Variants in FGGY observed in about 807,000 individuals in gnomAD.
The protein encoded by FGGY is FGGY carbohydrate kinase domain-containing protein.
FGGY carries 72 observed loss-of-function variants against 71.3 expected under a neutral mutation model. The ratio of observed to expected loss-of-function variants is 1.01; its 90% confidence interval spans 0.84 to 1.23. FGGY has a LOEUF of 1.23. FGGY is among the 50% of genes most tolerant of loss of function. The pLI, the probability that FGGY is intolerant of heterozygous loss-of-function variation, is 0.00. For synonymous variants in FGGY, 251 were observed against 250.3 expected (o/e 1.00, Z -0.02); for missense variants, 668 against 682.3 (o/e 0.98, Z 0.23).
intron 6 of FGGY, among the ~76,000 whole-genome samples, chr1:59,487,521 A>G (rs941604740): frequency 6.6e-6 from 1 of 152,162 alleles, no homozygotes; most frequent in Admixed American, 6.5e-5. Flanking sequence ...TGTCCTAGAC[A>G]TTGTTGTGGC....
chr1:59,702,127 G>T (rs1360917029), intron 14 of FGGY, among the ~76,000 whole-genome samples: 6 of 152,098 alleles, frequency 3.9e-5, no homozygotes, highest in African/African-American at 1.2e-4. Flanking sequence ...GCTCTCGTGA[G>T]AACTCCCTCA....
intron 6 of FGGY, among the ~76,000 whole-genome samples, chr1:59,466,166 A>T (rs1230404097): frequency 1.3e-5 from 2 of 152,336 alleles, no homozygotes; most frequent in East Asian, 3.9e-4. Flanking sequence ...GATATAGACC[A>T]ATGGAACAGA....
intron 11 of FGGY, among the ~76,000 whole-genome samples, chr1:59,647,526 G>A (rs947358791): frequency 1.2e-4 from 19 of 152,054 alleles, no homozygotes; most frequent in Admixed American, 9.2e-4. Context: ...TGGTTCCTCC[G>A]TAACCAAAGA....
chr1:59,363,951 G>T (rs963151174), intron 4 of FGGY, among the ~76,000 whole-genome samples: 30 of 152,286 alleles, frequency 2.0e-4, no homozygotes, highest in African/African-American at 7.2e-4. Context: ...GTGGAACTCT[G>T]CAACAGTGGT....
chr1:59,694,169 G>T (rs1469363680), intron 14 of FGGY, among the ~76,000 whole-genome samples: 3 of 151,282 alleles, frequency 2.0e-5, no homozygotes, highest in Non-Finnish European at 4.4e-5. Flanking sequence ...GGCGCCTGTC[G>T]TCCCAGCTAC....
At chr1:59,605,450 A>G (rs2096615040) in intron 8 of FGGY, among the ~76,000 whole-genome samples, 2 of 152,224 alleles carry the variant, frequency 1.3e-5, no homozygotes, top group South Asian at 4.2e-4. Flanking sequence ...TTCACCATTT[A>G]TCTCTGTGCC....
chr1:59,361,022 G>C (rs899332416), intron 4 of FGGY, among the ~76,000 whole-genome samples: 4 of 152,048 alleles, frequency 2.6e-5, no homozygotes, highest in African/African-American at 9.7e-5. Context: ...CCATCCTGAG[G>C]CCCCCCTGAG....
Position 59,590,645 on chromosome 1 carries a change from A to G in FGGY, c.904-17158A>G, listed in dbSNP as rs151024070. Among the ~76,000 whole-genome samples, 1,145 of 152,348 alleles carry G rather than the reference A, an allele frequency of 7.5e-3. 10 individuals are homozygous for G. Among genetic ancestry groups the G allele is most frequent in the Middle Eastern group, 0.065 (19 of 294 alleles). Reference sequence around the variant, plus strand: ...AAGGCTGGTTCAATATAGGCAAATCAATAAATGTAATCCAGCATATAAACA... The same window carrying G: ...AAGGCTGGTTCAATATAGGCAAATCGATAAATGTAATCCAGCATATAAACA... On this transcript the variant is annotated intron_variant, in intron 8 of 15. Coordinates refer to ENST00000303721, the MANE Select transcript of FGGY (RefSeq NM_018291.5).
At chr1:59,354,451 A>G (rs1233271652) in intron 4 of FGGY, among the ~76,000 whole-genome samples, 1 of 152,208 alleles carries the variant, frequency 6.6e-6, no homozygotes, top group Non-Finnish European at 1.5e-5. Flanking sequence ...CACTCAGCTA[A>G]TAAGTGGCAA....
intron 6 of FGGY, chr1:59,474,297 C>T (rs1441994062): frequency 2.0e-5 from 3 of 152,206 alleles, no homozygotes; most frequent in Non-Finnish European, 4.4e-5. Context: ...GAGGTCACCC[C>T]CAACTTCTCT....
intron 3 of FGGY, among the ~76,000 whole-genome samples, chr1:59,342,891 C>T (rs1158073940): frequency 6.6e-6 from 1 of 152,170 alleles, no homozygotes; most frequent in Admixed American, 6.5e-5. Context: ...CAGCATTAGT[C>T]TATGATAAAA....
chr1:59,613,613 C>G (rs1304160790), intron 9 of FGGY, among the ~76,000 whole-genome samples: 1 of 152,118 alleles, frequency 6.6e-6, no homozygotes, highest in Non-Finnish European at 1.5e-5. Flanking sequence ...CAAACACATT[C>G]AAAAGCTAGC....
chr1:59,593,083 G>C (rs558068052), intron 8 of FGGY, among the ~76,000 whole-genome samples: 2 of 152,348 alleles, frequency 1.3e-5, no homozygotes, highest in South Asian at 4.1e-4. Context: ...GAGCCCAGTA[G>C]CTCCAGAGAG....
chr1:59,718,593 A>G (rs576798341), intron 14 of FGGY, among the ~76,000 whole-genome samples: 222 of 152,346 alleles, frequency 1.5e-3, no homozygotes, highest in African/African-American at 5.0e-3. Context: ...ACACCCATGC[A>G]TTAGCGACTT....
chr1:59,421,665 T>C (rs1263096226), intron 5 of FGGY, among the ~76,000 whole-genome samples: 1 of 152,140 alleles, frequency 6.6e-6, no homozygotes, highest in African/African-American at 2.4e-5. Flanking sequence ...GCATGTTTTA[T>C]ATCAGGTTGG....
intron 14 of FGGY, among the ~76,000 whole-genome samples, chr1:59,733,452 T>TTTTGC (rs2098064419): frequency 8.4e-6 from 1 of 118,668 alleles, no homozygotes; most frequent in Non-Finnish European, 1.9e-5. Context: ...TTTTGTTTTG[T>TTTTGC]TTTGTTTTGT....
intron 4 of FGGY, among the ~76,000 whole-genome samples, chr1:59,347,998 C>G (rs548170380): frequency 6.6e-6 from 1 of 152,116 alleles, no homozygotes; most frequent in African/African-American, 2.4e-5. Context: ...GCAAAAGAAA[C>G]TACCATCAGA....
rs552312520 is a variant in FGGY, at chr1:59,555,911, G to T, written c.903+1684G>T. 1.6e-4 allele frequency among the ~76,000 whole-genome samples: 25 copies of T among 152,284 alleles called. 1 individual carries two copies. The highest frequency in any genetic ancestry group is 5.8e-4 in the African/African-American group (24 of 41,566). ...AGCTGCTTGGGAGGCTGAGGCAGGA[G>T]AATTGCTTGAACCCAGAAGGCAGAG... On this transcript the variant is annotated intron_variant, in intron 8 of 15. Transcript: ENST00000303721.
intron 9 of FGGY, among the ~76,000 whole-genome samples, chr1:59,615,234 A>G (rs939698107): frequency 3.2e-4 from 49 of 152,230 alleles, no homozygotes; most frequent in Non-Finnish European, 6.6e-4. Flanking sequence ...ACATCACGCT[A>G]CCTGACTTCA....
Sources: allele counts gnomAD v4.1 joint callset (sites outside exome capture counted in the v4.1 genomes callset), GRCh38; gene constraint gnomAD v4.1.1; transcripts MANE v1.5; gene names NCBI Gene and HGNC (gene_info 2026-07-23, HGNC 2026-07-21).